Variants in ACSL6 observed in about 807,000 individuals in gnomAD.
ACSL6 encodes the protein acyl-CoA synthetase long chain family member 6, also known as long-chain-fatty-acid--CoA ligase 6.
In ACSL6, 47 loss-of-function variants were observed where a neutral mutation model predicts 98.2. The ratio of observed to expected loss-of-function variants is 0.48; its 90% CI spans 0.38 to 0.61. ACSL6 has a LOEUF of 0.61. Among genes scored for constraint, ACSL6 ranks in the 20% least tolerant of loss-of-function variants. The pLI is 0.00. For synonymous variants in ACSL6, 362 were observed against 336.9 expected (o/e 1.07, Z -0.82); for missense variants, 761 against 913.4 (o/e 0.83, Z 2.15).
intron 9 of ACSL6, 66 bp downstream of exon 9, chr5:131,985,341 C>A: frequency 6.3e-7 from 1 of 1,590,472 alleles, no homozygotes; most frequent in South Asian, 1.1e-5. Context: ...CTCCAGCAGT[C>A]ACCTGCTAGG....
At chr5:132,010,122 G>C (rs1360289758) in intron 1 of ACSL6, among the ~76,000 whole-genome samples, 1 of 152,230 alleles carries the variant, frequency 6.6e-6, no homozygotes, top group African/African-American at 2.4e-5. Context: ...CTCAGGACCA[G>C]AGTGCCCCTG....
At position 131,976,656 on chromosome 5, in the gene ACSL6, C is replaced by G; in HGVS notation, c.982G>C (p.Val328Leu). The change falls in exon 10 of 21, where the codon GTG becomes CTG. Residue 328 changes from valine to leucine, a missense_variant. Val to Leu is a conservative substitution (Grantham distance 32). Transcript: ENST00000651883. Reference protein sequence around the residue: ...VVADFSGFLKVTEKVIFPRQD... With the variant: ...VVADFSGFLKLTEKVIFPRQD... Reference sequence around the variant, plus strand: ...AATGCTACTTTATTCACCTCTGTCACTTTCAGAAAGCCTGAGAAATCAGCC... The same window carrying G: ...AATGCTACTTTATTCACCTCTGTCAGTTTCAGAAAGCCTGAGAAATCAGCC... 2 of 1,614,120 alleles carry G rather than the reference C, an allele frequency of 1.2e-6. No individual in the cohort carries two copies. Among genetic ancestry groups the G allele is most frequent in the Non-Finnish European group, 8.5e-7 (1 of 1,179,950 alleles).
intron 1 of ACSL6, among the ~76,000 whole-genome samples, chr5:131,994,924 G>A (rs1285845414): frequency 1.3e-5 from 2 of 152,198 alleles, no homozygotes; most frequent in Non-Finnish European, 2.9e-5. Flanking sequence ...CACCATAACT[G>A]GGCCCTGTGC....
intron 11 of ACSL6, among the ~76,000 whole-genome samples, chr5:131,974,552 A>T (rs1288995821): frequency 6.6e-6 from 1 of 152,196 alleles, no homozygotes; most frequent in Non-Finnish European, 1.5e-5. Flanking sequence ...CATGGGTAAG[A>T]CAGGGCAGGC....
Position 132,011,520 on chromosome 5 carries a change from G to T in ACSL6, c.34C>A (p.Leu12Ile). 1.9e-6 allele frequency: 3 copies of T among 1,607,520 alleles called. No individual in the cohort carries two copies. The highest frequency in any genetic ancestry group is 2.5e-6 in the Non-Finnish European group (3 of 1,177,228). ...GGGCACTTACCTACGAATAGCCAGA[G>T]GGAGCCCCCCGACACGAGGAAGAAG... ...LTFFLVSGGS[L>I]WLFVEFVLSL... The change falls in exon 1 of 21, where the codon CTC (leucine) becomes ATC (isoleucine). Residue 12 changes from leucine (L) to isoleucine (I), a missense_variant. Physicochemically the swap from Leu to Ile is conservative, Grantham distance 5. Transcript: ENST00000651883. This position sits in a 1 kb window ranked among gnomAD's most constrained non-coding sequence, Gnocchi z 5.4.
intron 12 of ACSL6, among the ~76,000 whole-genome samples, 178 bp from the exon 13 acceptor site, chr5:131,973,036 G>C (rs1340168294): frequency 6.6e-6 from 1 of 152,226 alleles, no homozygotes; most frequent in African/African-American, 2.4e-5. Flanking sequence ...GTCCAGGCAT[G>C]CTGTGAAGAT....
At chr5:131,974,727 A>C in intron 11 of ACSL6, 166 bp downstream of exon 11, 1 of 1,591,306 alleles carries the variant, frequency 6.3e-7, no homozygotes. Context: ...TTCTAGGCAC[A>C]GAGTGTGCCT....
chr5:131,994,275 A>C (rs1487855681), intron 1 of ACSL6, 24 bp from the exon 2 acceptor site: 2 of 1,583,186 alleles, frequency 1.3e-6, no homozygotes, highest in East Asian at 4.6e-5. Flanking sequence ...GAGTCAGATA[A>C]GGCAAGAGAC....
chr5:132,011,847 G>T (rs774724824), upstream of ACSL6: 2 of 1,504,688 alleles, frequency 1.3e-6, no homozygotes, highest in Admixed American at 2.1e-5. This position sits in a 1 kb window ranked among gnomAD's most constrained non-coding sequence, Gnocchi z 5.4. Flanking sequence ...CCAAGCTCCC[G>T]GGCGGGGGAG....
chr5:131,981,259 C>T (rs1162830070), intron 9 of ACSL6, among the ~76,000 whole-genome samples: 3 of 151,782 alleles, frequency 2.0e-5, no homozygotes, highest in South Asian at 4.2e-4. Context: ...CAAACCTCCC[C>T]CAAAGCCCTT....
At position 131,972,782 on chromosome 5, in the gene ACSL6, C is replaced by G; in HGVS notation, c.1280G>C (p.Arg427Pro). 6.2e-7 allele frequency: 1 copy of G among 1,614,186 alleles called. No individual in the cohort carries two copies. The part of the protein sequence containing the change: ...FAAKRKQAEV[R>P]SGIIRNDSIW... ...ACTATCATTCCTGATGATTCCACTC[C>G]GGACCTCGGCTTGCTTACGCTTTGC... Residue 427 changes from arginine to proline, a missense_variant, in exon 13 of 21, where the codon CGG (arginine) becomes CCG (proline). Arg to Pro is a moderately radical substitution (Grantham distance 103, BLOSUM62 -2). Coordinates refer to ENST00000651883, the MANE Select transcript of ACSL6 (RefSeq NM_001009185.3).
rs1384446828 is a variant in ACSL6 at position 131,954,248 on chromosome 5, A to C, written c.2155T>G (p.Ser719Ala). Residue 719 changes from serine to alanine, a missense_variant, in exon 21 of 21, where the codon TCA becomes GCA. Physicochemically the swap from Ser to Ala is moderately conservative, Grantham distance 99. Transcript: ENST00000651883. ...YFKKQIEELY[S>A]ISM ...TTCCTTGAACTTCACATGGAGATTG[A>C]GTAAAGCTCTTCTATTTGTTTTTTG... 3 of 1,613,140 alleles carry C rather than the reference A, an allele frequency of 1.9e-6. No individual in the cohort carries two copies. Among genetic ancestry groups the C allele is most frequent in the Non-Finnish European group, 2.5e-6 (3 of 1,179,748 alleles).
chr5:131,990,966 T>C lies in ACSL6; in HGVS notation c.272A>G (p.Asp91Gly), dbSNP rs1580680904. ...CACAGATCGCCGTGCCCCGCCACTGTCCTACAAGCCAAGCACCGGCCAGAG... is the reference window on the plus strand; with the variant it reads ...CACAGATCGCCGTGCCCCGCCACTGCCCTACAAGCCAAGCACCGGCCAGAG... The part of the protein sequence containing the change: ...NLLMQSEEVE[D>G]SGGARRSVIG... The change falls in exon 3 of 21, where the codon GAC becomes GGC. Residue 91 changes from aspartate to glycine, a missense_variant and splice_region_variant. Transcript: ENST00000651883. 6 of 1,613,936 alleles carry C rather than the reference T, an allele frequency of 3.7e-6. No homozygotes were observed. The East Asian group carries it at 1.3e-4, about 36-fold the overall frequency.
intron 6 of ACSL6, among the ~76,000 whole-genome samples, 165 bp from the exon 7 acceptor site, chr5:131,988,391 C>T (rs1418676603): frequency 1.3e-5 from 2 of 152,162 alleles, no homozygotes; most frequent in Non-Finnish European, 2.9e-5. Flanking sequence ...AGGAATTTGC[C>T]GTGGGTCCTG....
rs1381876859 is a variant in ACSL6 at position 131,974,939 on chromosome 5, A to C, written c.1022T>G (p.Leu341Arg). ...KVIFPRQDDV[L>R]ISFLPLAHMF... The stretch of plus-strand genomic sequence containing the variant: ...GTGAGCCAGAGGCAGGAAGGAGATG[A>C]GCACATCGTCCTGTCTCGGAAAGAT... Residue 341 changes from leucine to arginine, a missense_variant, in exon 11 of 21, where the codon CTC (leucine) becomes CGC (arginine). By Grantham distance (102) the Leu-to-Arg change is moderately radical. Transcript: ENST00000651883. 1 of 1,614,164 alleles carries C rather than the reference A, an allele frequency of 6.2e-7. No individual in the cohort carries two copies. The highest frequency in any genetic ancestry group is 8.5e-7 in the Non-Finnish European group (1 of 1,180,030).
intron 11 of ACSL6, 106 bp from the exon 12 acceptor site, chr5:131,973,506 C>T: frequency 3.3e-6 from 4 of 1,225,452 alleles, no homozygotes; most frequent in Non-Finnish European, 4.5e-6. Flanking sequence ...CCCATGACCC[C>T]CTGACCCAGC....
chr5:131,953,248 A>G lies in ACSL6; in HGVS notation c.*986T>C. 1 of 189,820 alleles carries G rather than the reference A, an allele frequency of 5.3e-6. No individual in the cohort carries two copies. Among genetic ancestry groups the G allele is most frequent in the Non-Finnish European group, 1.1e-5 (1 of 90,308 alleles). The allele number at this position is 189,820 out of a possible 1,614,324, so 11.8% of individuals were successfully genotyped here. ...TAGGTAGTTCCTGAATACTTTAATG[A>G]GCTTAATAAATGAGAAAATGTATTG... On this transcript the variant is annotated 3_prime_UTR_variant, in exon 21 of 21. Transcript: ENST00000651883.
At chr5:131,989,271 G>A in intron 5 of ACSL6, 136 bp downstream of exon 5, 1 of 832,288 alleles carries the variant, frequency 1.2e-6, no homozygotes, top group Non-Finnish European at 1.9e-6. Context: ...GGTGGGAAGA[G>A]GAGTGGTGGC....
chr5:131,963,777 C>A (rs981927961), intron 17 of ACSL6, among the ~76,000 whole-genome samples: 2 of 152,120 alleles, frequency 1.3e-5, no homozygotes, highest in Admixed American at 1.3e-4. Context: ...AGCAATCTCT[C>A]CAAAAGAGAA....
Sources: allele counts gnomAD v4.1 joint callset (sites outside exome capture counted in the v4.1 genomes callset), GRCh38; gene constraint gnomAD v4.1.1; non-coding constraint Gnocchi (gnomAD v3.1); transcripts MANE v1.5; gene names NCBI Gene and HGNC (gene_info 2026-07-23, HGNC 2026-07-21).